The following SGK1 variants were observed in gnomAD, a reference collection of about 807,000 sequenced individuals.
The protein encoded by SGK1 is serum/glucocorticoid regulated kinase 1, also known as serine/threonine-protein kinase Sgk1.
In SGK1, 26 loss-of-function variants were observed where a neutral mutation model predicts 64.2. That is an observed-to-expected ratio of 0.40 (90% CI 0.30 to 0.56). SGK1 has a LOEUF of 0.56. Ranked by LOEUF, SGK1 falls within the 20% of genes least tolerant of loss-of-function variation. SGK1 has a pLI of 0.38. For missense variants in SGK1, 519 were observed against 645.6 expected (o/e 0.80, Z 2.12); for synonymous variants, 265 against 239.7 (o/e 1.11, Z -0.98).
At position 134,207,410 on chromosome 6, in the gene SGK1, CATG is replaced by C. The variant is rs1258029627; in HGVS notation, c.304_306del (p.His102del). 6.2e-7 allele frequency: 1 copy of C among 1,611,066 alleles called. No individual in the cohort carries two copies. Among genetic ancestry groups the C allele is most frequent in the Non-Finnish European group, 8.5e-7 (1 of 1,177,490 alleles). On this transcript the variant is annotated inframe_deletion, in exon 3 of 14. Transcript: ENST00000367858. ...GGATCGGGCTTGGTCAGGATGTTGG[CATG>C]ATTACATGGCTCTCTCACCTTTAAA...
intron 1 of SGK1, among the ~76,000 whole-genome samples, chr6:134,263,666 AG>A (rs1291097844): frequency 6.6e-6 from 1 of 152,198 alleles, no homozygotes; most frequent in Non-Finnish European, 1.5e-5. Context: ...TACAGAAAGA[AG>A]TATAAAGCTA....
intron 2 of SGK1, among the ~76,000 whole-genome samples, chr6:134,212,088 C>T (rs1775900859): frequency 6.6e-6 from 1 of 151,080 alleles, no homozygotes; most frequent in South Asian, 2.1e-4. Flanking sequence ...GAGTCTCTCT[C>T]TGTCGCCCAG....
At chr6:134,286,669 G>A (rs918477698) in intron 1 of SGK1, among the ~76,000 whole-genome samples, 2 of 151,728 alleles carry the variant, frequency 1.3e-5, no homozygotes, top group Non-Finnish European at 2.9e-5. Flanking sequence ...GGGCTTCCCC[G>A]TGTTAGCCAG....
intron 10 of SGK1, 193 bp from the exon 11 acceptor site, chr6:134,171,925 C>T (rs1462520475): frequency 3.3e-6 from 2 of 614,974 alleles, no homozygotes; most frequent in Non-Finnish European, 5.7e-6. Flanking sequence ...ATTTAGGAAA[C>T]TGCTGGGCAC....
Position 134,170,839 on chromosome 6 carries a change from A to G in SGK1, c.1400T>C (p.Phe467Ser). 2 of 1,605,042 alleles carry G rather than the reference A, an allele frequency of 1.2e-6. No homozygotes were observed. Among genetic ancestry groups the G allele is most frequent in the Non-Finnish European group, 1.7e-6 (2 of 1,171,856 alleles). Residue 467 changes from phenylalanine (F) to serine (S), a missense_variant, in exon 13 of 14, where the codon TTT becomes TCT. Phe to Ser is a radical substitution (Grantham distance 155). This residue lies in a region of SGK1 where 278 missense variants were observed against 408.7 expected (regional missense o/e 0.68). Coordinates refer to ENST00000367858, the MANE Select transcript of SGK1 (RefSeq NM_001143676.3). The stretch of plus-strand genomic sequence containing the variant: ...ACAGATACTCACCACATTTGGGTTA[A>G]AAGGGGGAGTAATCTTCTTATTAAT... ...DLINKKITPP[F>S]NPNVSGPNDL...
intron 3 of SGK1, among the ~76,000 whole-genome samples, chr6:134,185,305 G>T (rs2114658491): frequency 6.6e-6 from 1 of 152,250 alleles, no homozygotes; most frequent in African/African-American, 2.4e-5. Context: ...AAGCCTGAAT[G>T]AACATTTAGC....
At chr6:134,183,802 T>C (rs1289450570) in intron 3 of SGK1, among the ~76,000 whole-genome samples, 1 of 152,056 alleles carries the variant, frequency 6.6e-6, no homozygotes, top group Non-Finnish European at 1.5e-5. Context: ...TGGTTTCCTA[T>C]AATAATGTCC....
intron 1 of SGK1, among the ~76,000 whole-genome samples, chr6:134,316,282 G>A (rs1402001754): frequency 3.9e-5 from 6 of 152,162 alleles, no homozygotes; most frequent in Admixed American, 2.0e-4. Flanking sequence ...GAAATTCACT[G>A]TGTTCTGCGG....
intron 2 of SGK1, among the ~76,000 whole-genome samples, chr6:134,219,616 C>T (rs1776047574): frequency 6.6e-6 from 1 of 151,610 alleles, no homozygotes; most frequent in Non-Finnish European, 1.5e-5. Context: ...TAAAAATAGC[C>T]GGGCGTAGTG....
At chr6:134,275,627 C>G (rs954565916) in intron 1 of SGK1, among the ~76,000 whole-genome samples, 1 of 152,180 alleles carries the variant, frequency 6.6e-6, no homozygotes, top group Non-Finnish European at 1.5e-5. Flanking sequence ...ATTTCATGAA[C>G]CACTAATGGG....
Position 134,170,868 on chromosome 6 carries a change from A to G in SGK1, c.1371T>C (p.Asp457=). The part of the protein sequence containing the change: ...HVFFSLINWD[D]LINKKITPPF... ...GGGGAGTAATCTTCTTATTAATGAG[A>G]TCATCCCAGTTAATTAAGGAGAAGA... Residue 457 remains aspartate (D), a synonymous_variant, in exon 13 of 14, where the codon GAT becomes GAC. Transcript: ENST00000367858. The G allele has an allele frequency of 6.2e-7, 1 of 1,611,574 alleles. No individual in the cohort carries two copies. The highest frequency in any genetic ancestry group is 8.5e-7 in the Non-Finnish European group (1 of 1,177,724).
chr6:134,207,301 C>T, intron 3 of SGK1, 55 bp downstream of exon 3: 1 of 1,089,212 alleles, frequency 9.2e-7, no homozygotes. Context: ...TAGAGCTTTA[C>T]TACAGAATGT....
intron 2 of SGK1, chr6:134,249,685 C>A (rs1040816595): frequency 6.6e-6 from 1 of 152,202 alleles, no homozygotes; most frequent in Admixed American, 6.5e-5. Context: ...TAGAAACTCT[C>A]AATAAACACC....
At chr6:134,315,410 A>G (rs529176740) in intron 1 of SGK1, among the ~76,000 whole-genome samples, 3 of 152,232 alleles carry the variant, frequency 2.0e-5, no homozygotes, top group African/African-American at 4.8e-5. Flanking sequence ...TTCTTTCTGC[A>G]TGTACTCAGA....
In SGK1 at chr6:134,296,735, C is replaced by CT. The variant is rs999141146; in HGVS notation, c.69+20656dup. On this transcript the variant is annotated intron_variant, in intron 1 of 13. Coordinates refer to ENST00000367858, the MANE Select transcript of SGK1 (RefSeq NM_001143676.3). ...CTAAGAGTTGAAAAAGCATTCAGCT[C>CT]TTTTTTTTTTGGCAGAGCTAGCTGA... Among the ~76,000 whole-genome samples the CT allele has an allele frequency of 3.0e-3, 241 of 81,508 alleles. 1 individual carries two copies. Among genetic ancestry groups the CT allele is most frequent in the East Asian group, 0.026 (71 of 2,692 alleles). 53.5% of individuals were successfully genotyped at this position (81,508 alleles called of 152,430 possible).
intron 1 of SGK1, among the ~76,000 whole-genome samples, chr6:134,291,819 G>A (rs919220134): frequency 2.0e-5 from 3 of 152,150 alleles, no homozygotes; most frequent in Non-Finnish European, 4.4e-5. Context: ...CAACAACTTT[G>A]GGAGGCCAAG....
chr6:134,210,317 T>C (rs1482714469), intron 2 of SGK1, among the ~76,000 whole-genome samples: 1 of 152,188 alleles, frequency 6.6e-6, no homozygotes, highest in Non-Finnish European at 1.5e-5. Context: ...GAACAAATAT[T>C]GCACGATTCC....
chr6:134,189,573 A>T (rs188818060), intron 3 of SGK1, among the ~76,000 whole-genome samples: 1 of 152,204 alleles, frequency 6.6e-6, no homozygotes, highest in East Asian at 1.9e-4. Context: ...TGCCAAATAG[A>T]TAAGACTATT....
chr6:134,186,824 G>GT lies in SGK1; in HGVS notation c.362-12239dup, dbSNP rs964420471. Among the ~76,000 whole-genome samples the GT allele has an allele frequency of 2.8e-3, 419 of 147,664 alleles. 1 individual carries two copies. The highest frequency in any genetic ancestry group is 9.2e-3 in the African/African-American group (371 of 40,240). ...CATACACTTCTGGGTTTTTTTTTTGGTTTTTTTTTTGAGACGCAGTCTCAC... is the reference window on the plus strand; with the variant it reads ...CATACACTTCTGGGTTTTTTTTTTGGTTTTTTTTTTTGAGACGCAGTCTCAC... On this transcript the variant is annotated intron_variant, in intron 3 of 13. Coordinates refer to ENST00000367858, the MANE Select transcript of SGK1 (RefSeq NM_001143676.3).
Sources: gnomAD v4.1 joint callset for allele counts (sites outside exome capture counted in the v4.1 genomes callset) on GRCh38, gnomAD v4.1.1 for gene constraint, gnomAD v4.1.1 regional missense constraint, MANE v1.5 for transcripts, NCBI Gene and HGNC (gene_info 2026-07-23, HGNC 2026-07-21) for gene names.